Variants in TFIP11 observed in about 807,000 individuals in gnomAD.
TFIP11 encodes the protein tuftelin interacting protein 11, also known as tuftelin-interacting protein 11.
A neutral mutation model predicts 96.8 loss-of-function variants in TFIP11; 86 were observed. That is an observed-to-expected ratio of 0.89 (90% CI 0.75 to 1.06). The LOEUF is 1.06. TFIP11 is among the 50% of genes least tolerant of loss of function. The probability of loss-of-function intolerance (pLI) is 0.00; values close to 1 mark genes in which losing one functional copy is unlikely to be tolerated. For synonymous variants in TFIP11, 405 were observed against 395.2 expected (o/e 1.02, Z -0.29); for missense variants, 881 against 1,076.7 (o/e 0.82, Z 2.54).
chr22:26,509,345 C>T (rs149883348), intron 4 of TFIP11, among the ~76,000 whole-genome samples: 19 of 152,312 alleles, frequency 1.2e-4, no homozygotes, highest in African/African-American at 4.1e-4. Flanking sequence ...CTTTTCTCCA[C>T]AGAAATCTTC....
Position 26,496,908 on chromosome 22 carries a change from G to C in TFIP11, c.1437-19C>G, listed in dbSNP as rs372857117. The C allele has an allele frequency of 6.2e-7, 1 of 1,612,582 alleles. No homozygotes were observed. Among genetic ancestry groups the C allele is most frequent in the Non-Finnish European group, 8.5e-7 (1 of 1,179,600 alleles). On this transcript the variant is annotated intron_variant, in intron 10 of 14. Transcript: ENST00000407690. ...TATCAACCTATGGGAGAAAGGCAGA[G>C]GACAGGCTGGTTAATTACACTGACT... is the stretch of plus-strand genomic sequence containing the variant.
chr22:26,503,673 G>A lies in TFIP11; in HGVS notation c.641C>T (p.Ala214Val). 1 of 1,614,072 alleles carries A rather than the reference G, an allele frequency of 6.2e-7. No homozygotes were observed. Among genetic ancestry groups the A allele is most frequent in the African/African-American group, 1.3e-5 (1 of 75,016 alleles). ...DFPVVDSEEE[A>V]EEEFQKELSQ... is the part of the protein sequence containing the mutation. ...CTCCTGACTTCCAGTTACCTCTTCAGCTTCTTCCTCTGAGTCAACCACAGG... is the reference window on the plus strand; with the variant it reads ...CTCCTGACTTCCAGTTACCTCTTCAACTTCTTCCTCTGAGTCAACCACAGG... Residue 214 changes from alanine to valine, a missense_variant, in exon 7 of 15, where the codon GCT becomes GTT. By Grantham distance (64) the Ala-to-Val change is moderately conservative (BLOSUM62 0). Coordinates refer to ENST00000407690, the MANE Select transcript of TFIP11 (RefSeq NM_012143.4).
At chr22:26,508,144 G>A (rs1923646707) in intron 4 of TFIP11, among the ~76,000 whole-genome samples, 1 of 152,130 alleles carries the variant, frequency 6.6e-6, no homozygotes, top group Admixed American at 6.5e-5. Context: ...GCAAATAAAG[G>A]GATGCCTTGT....
At chr22:26,501,805 A>AGG in intron 8 of TFIP11, 95 bp downstream of exon 8, 3 of 798,140 alleles carry the variant, frequency 3.8e-6, no homozygotes, top group South Asian at 2.5e-5. Flanking sequence ...AAAAAAAAAA[A>AGG]AAGCCTAGCT....
chr22:26,495,666 G>A (rs1362013827), intron 12 of TFIP11, among the ~76,000 whole-genome samples: 1 of 143,388 alleles, frequency 7.0e-6, no homozygotes, highest in Non-Finnish European at 1.5e-5. Flanking sequence ...ATGCATGTGT[G>A]TATATATATA....
intron 14 of TFIP11, 83 bp downstream of exon 14, chr22:26,494,056 A>C (rs777734839): frequency 1.0e-4 from 156 of 1,526,280 alleles, no homozygotes; most frequent in Non-Finnish European, 1.3e-4. Flanking sequence ...TACAGGAACC[A>C]GAAAACTCTG....
rs752702038 is a variant in TFIP11, at chr22:26,498,824, C to T, written c.1436+45G>A. The T allele has an allele frequency of 3.9e-6, 6 of 1,526,742 alleles. No homozygotes were observed. In the Admixed American group the frequency reaches 5.0e-5, roughly 13 times the overall value. The allele number at this position is 1,526,742 out of a possible 1,614,324, so 94.6% of individuals were successfully genotyped here. A position where few individuals can be genotyped will look rare whatever the true frequency, so the allele number is the denominator to read the frequency against. ...ACCTTCAGCAATCCTTCCCAACCCC[C>T]CAGGAGAAAGGAGCTGGGGTACAGA... On this transcript the variant is annotated intron_variant, in intron 10 of 14. Transcript: ENST00000407690.
chr22:26,500,736 T>C lies in TFIP11; in HGVS notation c.802-1105A>G, dbSNP rs565028721. The stretch of plus-strand genomic sequence containing the variant: ...GGCACCTAGACACTCTTATTTCTTA[T>C]CAGGTCGTCCAGATAACAGCACGTT... On this transcript the variant is annotated intron_variant, in intron 8 of 14. Coordinates refer to ENST00000407690, the MANE Select transcript of TFIP11 (RefSeq NM_012143.4). Among the ~76,000 whole-genome samples, 349 of 152,114 alleles carry C rather than the reference T, an allele frequency of 2.3e-3. 2 individuals are homozygous for C. The highest frequency in any genetic ancestry group is 2.5e-3 in the Non-Finnish European group (170 of 68,006).
chr22:26,501,203 C>T (rs941064006), intron 8 of TFIP11, among the ~76,000 whole-genome samples: 4 of 152,110 alleles, frequency 2.6e-5, no homozygotes, highest in African/African-American at 9.7e-5. Flanking sequence ...ACTTAATACA[C>T]TACATGGACG....
intron 4 of TFIP11, among the ~76,000 whole-genome samples, chr22:26,507,170 A>G (rs1923521517): frequency 6.6e-6 from 1 of 152,216 alleles, no homozygotes; most frequent in Admixed American, 6.5e-5. Flanking sequence ...TATCACATCA[A>G]TGTAGGGTTG....
At chr22:26,492,499 G>A (rs1410771059) in intron 14 of TFIP11, 131 bp from the exon 15 acceptor site, 2 of 778,596 alleles carry the variant, frequency 2.6e-6, no homozygotes, top group Non-Finnish European at 4.2e-6. Context: ...CTGCCTCAAA[G>A]ATACAACTTT....
chr22:26,495,475 C>T (rs1164294722), intron 12 of TFIP11, among the ~76,000 whole-genome samples: 1 of 151,332 alleles, frequency 6.6e-6, no homozygotes, highest in Non-Finnish European at 1.5e-5. Context: ...GGGGTTTCAC[C>T]ATGTTGCTCA....
Position 26,499,527 on chromosome 22 carries a change from C to T in TFIP11, c.906G>A (p.Gln302=). 6.2e-7 allele frequency: 1 copy of T among 1,614,220 alleles called. No individual in the cohort carries two copies. The highest frequency in any genetic ancestry group is 8.5e-7 in the Non-Finnish European group (1 of 1,180,048). Residue 302 remains glutamine, a synonymous_variant, in exon 9 of 15, where the codon CAG becomes CAA. Transcript: ENST00000407690. The stretch of plus-strand genomic sequence containing the variant: ...TGGCCTCTTTGCCAGACTGTGGCAG[C>T]TGTTGGGACTGTAGCGGCAGCCCAT... ...PDDGLPLQSQ[Q]LPQSGKEAKA...
At chr22:26,493,422 C>G (rs186259475) in intron 14 of TFIP11, 13 of 152,264 alleles carry the variant, frequency 8.5e-5, no homozygotes, top group African/African-American at 3.1e-4. Flanking sequence ...GGCTCTCAGC[C>G]TCGCTGGGCT....
At chr22:26,504,519 A>T (rs1160360317) in intron 6 of TFIP11, among the ~76,000 whole-genome samples, 1 of 151,866 alleles carries the variant, frequency 6.6e-6, no homozygotes, top group African/African-American at 2.4e-5. Flanking sequence ...CCCCATCTAC[A>T]AAAAAAGAAA....
In TFIP11 at chr22:26,491,511, A is replaced by C. The variant is rs778148664; in HGVS notation, c.*502T>G. 1.2e-6 allele frequency: 2 copies of C among 1,614,122 alleles called. No homozygotes were observed. The highest frequency in any genetic ancestry group is 1.7e-6 in the Non-Finnish European group (2 of 1,179,988). Reference sequence around the variant, plus strand: ...TGAGTTTCCTCAGACTTCACAATACATGGACATATTTAATGATACCTCTGT... The same window carrying C: ...TGAGTTTCCTCAGACTTCACAATACCTGGACATATTTAATGATACCTCTGT... On this transcript the variant is annotated 3_prime_UTR_variant, in exon 15 of 15. Coordinates refer to ENST00000407690, the MANE Select transcript of TFIP11 (RefSeq NM_012143.4).
Position 26,499,235 on chromosome 22 carries a change from A to G in TFIP11, c.1198T>C (p.Cys400Arg). 1 of 1,613,864 alleles carries G rather than the reference A, an allele frequency of 6.2e-7. No homozygotes were observed. The highest frequency in any genetic ancestry group is 8.5e-7 in the Non-Finnish European group (1 of 1,179,928). The part of the protein sequence containing the change: ...DCSNPLTLDE[C>R]ARIFETLQDK... ...TGCAGGGTTTCGAAGATGCGGGCAC[A>G]CTCGTCCAGGGTGAGGGGGTTGCTG... Residue 400 changes from cysteine to arginine, a missense_variant, in exon 9 of 15, where the codon TGT (cysteine) becomes CGT (arginine). By Grantham distance (180) the Cys-to-Arg change is radical (BLOSUM62 -3). Transcript: ENST00000407690.
chr22:26,502,809 C>G (rs1042132320), intron 7 of TFIP11, among the ~76,000 whole-genome samples: 5 of 152,188 alleles, frequency 3.3e-5, no homozygotes, highest in Non-Finnish European at 7.3e-5. Flanking sequence ...GATTTACCTT[C>G]TAGACAGACT....
chr22:26,502,834 G>C (rs1242866988), intron 7 of TFIP11, among the ~76,000 whole-genome samples: 1 of 152,112 alleles, frequency 6.6e-6, no homozygotes, highest in Non-Finnish European at 1.5e-5. Flanking sequence ...CCTCACCTCT[G>C]TGCCACAGTC....
Sources: allele counts gnomAD v4.1 joint callset (sites outside exome capture counted in the v4.1 genomes callset), GRCh38; gene constraint gnomAD v4.1.1; transcripts MANE v1.5; gene names NCBI Gene and HGNC (gene_info 2026-07-23, HGNC 2026-07-21).